Variants in FRMD6 observed in about 807,000 individuals in gnomAD.
The protein encoded by FRMD6 is FERM domain containing 6, also known as FERM domain-containing protein 6.
In FRMD6, 37 loss-of-function variants were observed where a neutral mutation model predicts 73.2. The ratio of observed to expected loss-of-function variants is 0.51; its 90% CI spans 0.39 to 0.66. FRMD6 has a LOEUF of 0.66. Among genes scored for constraint, FRMD6 ranks in the 30% least tolerant of loss-of-function variants. The pLI is 0.00. For missense variants in FRMD6, 714 were observed against 780.5 expected, an observed-to-expected ratio of 0.91 and a Z score of 1.02; for synonymous variants, 273 against 282.2, an observed-to-expected ratio of 0.97 and a Z score of 0.33.
At chr14:51,658,406 CCTCTTGATTCA>C (rs67767501) in intron 1 of FRMD6, among the ~76,000 whole-genome samples, 14,520 of 151,806 alleles carry the variant, frequency 0.096, 969 homozygotes, top group Non-Finnish European at 0.15. Context: ...TCTTGAGGTC[CCTCTTGATTCA>C]CTCTTGTTGA....
At position 51,689,128 on chromosome 14, in the gene FRMD6, G is replaced by T. The variant is rs17124408; in HGVS notation, c.-146-563G>T. 1.6e-3 allele frequency among the ~76,000 whole-genome samples: 241 copies of T among 152,308 alleles called. 1 individual carries two copies. The highest frequency in any genetic ancestry group is 5.4e-3 in the African/African-American group (225 of 41,568). ...TAAAAACTAAGAAGAATGTTGTAAG[G>T]AGGGCTTAGCAACCAGGATAAATGT... On this transcript the variant is annotated intron_variant, in intron 1 of 13. Transcript: ENST00000344768.
chr14:51,575,730 T>G (rs1375782965), intron 2 of FRMD6: 2 of 152,230 alleles, frequency 1.3e-5, no homozygotes, highest in Non-Finnish European at 2.9e-5. Flanking sequence ...GAATGCACTG[T>G]GTTTCTGCCT....
the FRMD6 span, among the ~76,000 whole-genome samples, chr14:51,466,418 G>A: frequency 6.6e-6 from 1 of 152,148 alleles, no homozygotes; most frequent in Non-Finnish European, 1.5e-5. Flanking sequence ...AGTATTTTAA[G>A]TTAGCATTTG....
intron 2 of FRMD6, among the ~76,000 whole-genome samples, chr14:51,576,508 A>G (rs1432536528): frequency 2.0e-5 from 3 of 152,282 alleles, no homozygotes; most frequent in Middle Eastern, 3.4e-3. Context: ...AGAATGCTTT[A>G]AATTTTTATT....
chr14:51,588,572 A>G (rs1889190443), intron 2 of FRMD6, among the ~76,000 whole-genome samples: 1 of 152,172 alleles, frequency 6.6e-6, no homozygotes, highest in South Asian at 2.1e-4. Context: ...AACAGGGGAC[A>G]TGGTTCTCCC....
chr14:51,547,349 T>G (rs1157061603), intron 1 of FRMD6, among the ~76,000 whole-genome samples: 1 of 152,186 alleles, frequency 6.6e-6, no homozygotes, highest in African/African-American at 2.4e-5. Flanking sequence ...AGGTGATGCT[T>G]CTGTTTCTCT....
chr14:51,449,095 C>T, the FRMD6 span, among the ~76,000 whole-genome samples: 2 of 152,176 alleles, frequency 1.3e-5, no homozygotes, highest in Non-Finnish European at 2.9e-5. Context: ...GCTGTTGTTA[C>T]AGAGCAGATG....
chr14:51,543,668 T>C (rs1300587000), intron 1 of FRMD6, among the ~76,000 whole-genome samples: 3 of 152,026 alleles, frequency 2.0e-5, no homozygotes, highest in Non-Finnish European at 4.4e-5. Flanking sequence ...AAGATTATAC[T>C]ACACAGGAGA....
chr14:51,477,438 C>T, the FRMD6 span, among the ~76,000 whole-genome samples: 1 of 152,002 alleles, frequency 6.6e-6, no homozygotes, highest in Non-Finnish European at 1.5e-5. Context: ...TTTTAATTTG[C>T]AGCCCCATTG....
intron 1 of FRMD6, among the ~76,000 whole-genome samples, chr14:51,677,236 A>G (rs1047256177): frequency 3.3e-5 from 5 of 152,102 alleles, no homozygotes; most frequent in African/African-American, 9.7e-5. Flanking sequence ...CAACTTCTCA[A>G]ATATTTAGTT....
At chr14:51,484,036 G>A in the FRMD6 span, among the ~76,000 whole-genome samples, 37 of 152,096 alleles carry the variant, frequency 2.4e-4, no homozygotes, top group Non-Finnish European at 4.3e-4. Flanking sequence ...TTGTCTTAGC[G>A]TTTGAGGTCT....
intron 2 of FRMD6, among the ~76,000 whole-genome samples, chr14:51,585,114 C>T (rs906711869): frequency 6.6e-6 from 1 of 152,174 alleles, no homozygotes; most frequent in Admixed American, 6.5e-5. Flanking sequence ...GTCTCTAGGA[C>T]AGCCTGGCAA....
At chr14:51,583,670 A>G (rs1189107720) in intron 2 of FRMD6, among the ~76,000 whole-genome samples, 1 of 152,234 alleles carries the variant, frequency 6.6e-6, no homozygotes, top group Non-Finnish European at 1.5e-5. Context: ...CCTAAGTAGC[A>G]GAGCTAGGAT....
At chr14:51,665,293 C>G (rs147182510) in intron 1 of FRMD6, among the ~76,000 whole-genome samples, 1 of 152,354 alleles carries the variant, frequency 6.6e-6, no homozygotes, top group Non-Finnish European at 1.5e-5. Context: ...CAGAGACTCT[C>G]TTGTCCTCAA....
intron 1 of FRMD6, among the ~76,000 whole-genome samples, chr14:51,564,617 T>C (rs2139536638): frequency 6.6e-6 from 1 of 152,234 alleles, no homozygotes; most frequent in East Asian, 1.9e-4. Context: ...AAGGATATAA[T>C]TAACAATCCT....
At chr14:51,677,943 G>C (rs1894508549) in intron 1 of FRMD6, among the ~76,000 whole-genome samples, 1 of 152,088 alleles carries the variant, frequency 6.6e-6, no homozygotes, top group South Asian at 2.1e-4. Flanking sequence ...CAGGGTGCCA[G>C]GAGAAACTAG....
chr14:51,645,085 AATTT>A (rs1892003846), intron 2 of FRMD6, among the ~76,000 whole-genome samples: 1 of 152,204 alleles, frequency 6.6e-6, no homozygotes, highest in South Asian at 2.1e-4. Context: ...CTAATAGAAT[AATTT>A]ATTAGGCTAC....
chr14:51,664,561 A>G (rs947485737), intron 1 of FRMD6, among the ~76,000 whole-genome samples: 1 of 152,234 alleles, frequency 6.6e-6, no homozygotes, highest in African/African-American at 2.4e-5. Flanking sequence ...ACTTTGTTAC[A>G]TATATTTTAG....
intron 1 of FRMD6, among the ~76,000 whole-genome samples, chr14:51,688,292 T>C (rs1895312860): frequency 1.3e-5 from 2 of 152,156 alleles, no homozygotes; most frequent in Non-Finnish European, 2.9e-5. Flanking sequence ...GCAGAATACT[T>C]CTAAATGGGC....
Sources: gnomAD v4.1 joint callset for allele counts (sites outside exome capture counted in the v4.1 genomes callset) on GRCh38, gnomAD v4.1.1 for gene constraint, MANE v1.5 for transcripts, NCBI Gene and HGNC (gene_info 2026-07-23, HGNC 2026-07-21) for gene names.